The following MCU variants were observed in gnomAD, a reference collection of about 807,000 sequenced individuals.
MCU encodes mitochondrial calcium uniporter, also known as calcium uniporter protein, mitochondrial.
In MCU, 12 loss-of-function variants were observed where a neutral mutation model predicts 45.2. The observed-to-expected ratio is 0.27, with a 90% CI of 0.17 to 0.43. The LOEUF (loss-of-function observed/expected upper bound fraction) is 0.43. MCU is among the 20% of genes least tolerant of loss of function. The pLI is 1.00. For missense variants in MCU, 324 were observed against 436.7 expected (o/e 0.74, Z 2.30); for synonymous variants, 160 against 165.1 (o/e 0.97, Z 0.24).
intron 1 of MCU, among the ~76,000 whole-genome samples, chr10:72,717,125 CTCTT>C (rs1171005050): frequency 9.3e-6 from 1 of 107,562 alleles, no homozygotes; most frequent in African/African-American, 4.2e-5. Flanking sequence ...CTCTCTCTCT[CTCTT>C]TTTTTTTTTT....
chr10:72,828,631 A>T (rs2132825853), intron 1 of MCU, among the ~76,000 whole-genome samples: 1 of 152,222 alleles, frequency 6.6e-6, no homozygotes, highest in East Asian at 1.9e-4. Flanking sequence ...GCTCTTTTGA[A>T]CTATGAAAGA....
chr10:72,753,997 AC>A (rs1181622066), intron 1 of MCU, among the ~76,000 whole-genome samples: 1 of 152,214 alleles, frequency 6.6e-6, no homozygotes, highest in East Asian at 1.9e-4. Context: ...TAAGTAACTT[AC>A]CCTAGATTAT....
intron 1 of MCU, among the ~76,000 whole-genome samples, chr10:72,775,763 A>G (rs1382657249): frequency 6.6e-6 from 1 of 152,232 alleles, no homozygotes; most frequent in East Asian, 1.9e-4. Flanking sequence ...AAAATGGGAA[A>G]TCTAGAAGAA....
chr10:72,712,576 A>T (rs908213633), intron 1 of MCU, among the ~76,000 whole-genome samples: 1 of 152,130 alleles, frequency 6.6e-6, no homozygotes, highest in East Asian at 1.9e-4. Context: ...TTGTAAAAGG[A>T]GATGCGCCTT....
At chr10:72,780,789 C>T (rs1453217354) in intron 1 of MCU, among the ~76,000 whole-genome samples, 1 of 152,002 alleles carries the variant, frequency 6.6e-6, no homozygotes, top group Non-Finnish European at 1.5e-5. Context: ...CTGGTTTTCT[C>T]CAATGTTAAT....
chr10:72,838,255 A>G lies in MCU; in HGVS notation c.220+3827A>G, dbSNP rs192798783. ...GAACTAGAGAAAGAACAAGAAAAATAGCCTTATCTAGCTGCTTTTATTTTT... is the reference window on the plus strand; with the variant it reads ...GAACTAGAGAAAGAACAAGAAAAATGGCCTTATCTAGCTGCTTTTATTTTT... On this transcript the variant is annotated intron_variant, in intron 2 of 7. Coordinates refer to ENST00000373053, the MANE Select transcript of MCU (RefSeq NM_138357.3). Among the ~76,000 whole-genome samples, 155 of 152,258 alleles carry G rather than the reference A, an allele frequency of 1.0e-3. 1 individual carries two copies. The highest frequency in any genetic ancestry group is 3.1e-3 in the Admixed American group (48 of 15,294).
chr10:72,814,048 G>A (rs1377746059), intron 1 of MCU, among the ~76,000 whole-genome samples: 3 of 152,172 alleles, frequency 2.0e-5, no homozygotes, highest in Admixed American at 1.3e-4. Context: ...TCTGAAATTG[G>A]AGGAGGTACT....
chr10:72,817,147 A>G (rs184402754), intron 1 of MCU, among the ~76,000 whole-genome samples: 100 of 152,322 alleles, frequency 6.6e-4, no homozygotes, highest in Non-Finnish European at 9.1e-4. Context: ...TAAGACCTCT[A>G]TATTGTAAAG....
intron 1 of MCU, among the ~76,000 whole-genome samples, chr10:72,749,595 T>G (rs1001291890): frequency 2.0e-5 from 3 of 152,164 alleles, no homozygotes; most frequent in Admixed American, 6.5e-5. Flanking sequence ...AAAGTTAGGT[T>G]CTTAAAGGGG....
intron 6 of MCU, among the ~76,000 whole-genome samples, chr10:72,873,050 G>A (rs183806797): frequency 1.2e-4 from 14 of 114,682 alleles, no homozygotes; most frequent in Non-Finnish European, 1.8e-4. Context: ...ATGGAGTCTC[G>A]CTCTATTGCC....
intron 1 of MCU, among the ~76,000 whole-genome samples, chr10:72,731,613 C>T (rs1337154558): frequency 6.6e-6 from 1 of 152,034 alleles, no homozygotes. Flanking sequence ...GTTTAGCAAT[C>T]ACTGTCTATT....
At chr10:72,836,197 A>G (rs1280921600) in intron 2 of MCU, among the ~76,000 whole-genome samples, 1 of 152,204 alleles carries the variant, frequency 6.6e-6, no homozygotes, top group Non-Finnish European at 1.5e-5. Flanking sequence ...ATTTCATTCA[A>G]AAATTTCTAG....
At position 72,768,008 on chromosome 10, in the gene MCU, G is replaced by A. The variant is rs75696772; in HGVS notation, c.151-66351G>A. Among the ~76,000 whole-genome samples, 456 of 152,056 alleles carry A rather than the reference G, an allele frequency of 3.0e-3. 4 individuals carry two copies. Among genetic ancestry groups the A allele is most frequent in the African/African-American group, 0.01 (428 of 41,484 alleles). ...TTTGAGGGAACATAGAAAATGTCAA[G>A]ATTCTTAAAATGACTTGTACTATCT... On this transcript the variant is annotated intron_variant, in intron 1 of 7. Transcript: ENST00000373053.
At chr10:72,742,041 AAAAAC>A (rs1158527512) in intron 1 of MCU, among the ~76,000 whole-genome samples, 56 of 150,234 alleles carry the variant, frequency 3.7e-4, no homozygotes, top group African/African-American at 1.4e-3. Flanking sequence ...AAAAAAAAAA[AAAAAC>A]AAAAACGACA....
rs751912075 is a variant in MCU at position 72,692,187 on chromosome 10, C to G, written c.36C>G (p.Leu12=). 11 of 1,277,384 alleles carry G rather than the reference C, an allele frequency of 8.6e-6. No individual in the cohort carries two copies. The East Asian group carries it at 1.5e-4, about 17-fold the overall frequency. The allele number at this position is 1,277,384 out of a possible 1,614,324, so 79.1% of individuals were successfully genotyped here. The part of the protein sequence containing the change: ...AAAAGRSLLL[L]LSSRGGGGGG... ...CCGCAGGTAGATCGCTCCTGCTGCT[C>G]CTCTCCTCTCGGGGCGGCGGCGGCG... Residue 12 remains leucine, a synonymous_variant, in exon 1 of 8, where the codon CTC becomes CTG. Transcript: ENST00000373053.
chr10:72,797,815 G>A (rs1844274651), intron 1 of MCU, among the ~76,000 whole-genome samples: 1 of 151,640 alleles, frequency 6.6e-6, no homozygotes, highest in African/African-American at 2.4e-5. Context: ...GATTATAGGC[G>A]CCCAGCCCAT....
chr10:72,847,052 A>T (rs1406060591), intron 2 of MCU, among the ~76,000 whole-genome samples: 1 of 152,096 alleles, frequency 6.6e-6, no homozygotes, highest in African/African-American at 2.4e-5. Context: ...GCTCACTGCA[A>T]CCTCCGCCTC....
intron 1 of MCU, among the ~76,000 whole-genome samples, chr10:72,767,483 T>TATTTA (rs552099964): frequency 3.0e-4 from 46 of 152,150 alleles, no homozygotes; most frequent in Middle Eastern, 3.2e-3. Flanking sequence ...AGCTCTTTTG[T>TATTTA]ATTTAATTTA....
intron 1 of MCU, among the ~76,000 whole-genome samples, chr10:72,781,513 A>G (rs1589456885): frequency 6.6e-6 from 1 of 152,262 alleles, no homozygotes; most frequent in African/African-American, 2.4e-5. Context: ...TATTTGAAGT[A>G]TCATTCATTT....
Sources: gnomAD v4.1 joint callset for allele counts (sites outside exome capture counted in the v4.1 genomes callset) on GRCh38, gnomAD v4.1.1 for gene constraint, MANE v1.5 for transcripts, NCBI Gene and HGNC (gene_info 2026-07-23, HGNC 2026-07-21) for gene names.